The following PEX7 variants were observed in gnomAD, a reference collection of about 807,000 sequenced individuals.
PEX7 encodes the protein peroxisomal biogenesis factor 7, also known as PTS2 receptor.
Under a neutral mutation model 47.5 loss-of-function variants are expected in PEX7, and 34 were observed. The ratio of observed to expected loss-of-function variants is 0.72; its 90% CI spans 0.54 to 0.95. The LOEUF (loss-of-function observed/expected upper bound fraction) is 0.95. PEX7 is among the 40% of genes least tolerant of loss of function. The pLI, the probability that PEX7 is intolerant of heterozygous loss-of-function variation, is 0.00. For missense variants in PEX7, 394 were observed against 400.3 expected (o/e 0.98, Z 0.13); for synonymous variants, 141 against 148.8 (o/e 0.95, Z 0.38).
rs189762696 is a variant in PEX7 at position 136,861,310 on chromosome 6, T to G, written c.527-5317T>G. On this transcript the variant is annotated intron_variant, in intron 5 of 9. Coordinates refer to ENST00000318471, the MANE Select transcript of PEX7 (RefSeq NM_000288.4). The stretch of plus-strand genomic sequence containing the variant: ...GTTGCCCAGGCTGGTCTGGAACTCT[T>G]AAACTCAAACGACCTGCCTGCCTTG... 5.9e-5 allele frequency among the ~76,000 whole-genome samples: 9 copies of G among 152,232 alleles called. No individual in the cohort carries two copies. The East Asian group carries it at 1.7e-3, about 29-fold the overall frequency.
intron 3 of PEX7, among the ~76,000 whole-genome samples, chr6:136,827,288 AGATTGT>A (rs2115133608): frequency 6.6e-6 from 1 of 152,344 alleles, no homozygotes; most frequent in African/African-American, 2.4e-5. Flanking sequence ...AAGATTTCTA[AGATTGT>A]TACTGAAATA....
chr6:136,902,028 G>A (rs924039040), intron 9 of PEX7, among the ~76,000 whole-genome samples: 4 of 152,116 alleles, frequency 2.6e-5, no homozygotes, highest in Admixed American at 2.6e-4. Context: ...CAGGTGATCC[G>A]CCCACCTCAG....
intron 3 of PEX7, among the ~76,000 whole-genome samples, chr6:136,838,256 A>C (rs117723599): frequency 0.012 from 1,759 of 152,350 alleles, 16 homozygotes; most frequent in Non-Finnish European, 0.019. Flanking sequence ...GCTAAAAAAC[A>C]TGAACTGAAT....
chr6:136,911,754 G>C (rs1007048758), intron 9 of PEX7, among the ~76,000 whole-genome samples: 2 of 152,140 alleles, frequency 1.3e-5, no homozygotes, highest in South Asian at 2.1e-4. Context: ...ATGAACATTC[G>C]TGTCTACATT....
At chr6:136,832,893 C>G (rs1158762006) in intron 3 of PEX7, among the ~76,000 whole-genome samples, 1 of 152,234 alleles carries the variant, frequency 6.6e-6, no homozygotes, top group Non-Finnish European at 1.5e-5. Flanking sequence ...TCACTATTAG[C>G]ATTTTGTTCA....
intron 8 of PEX7, among the ~76,000 whole-genome samples, chr6:136,894,757 T>G (rs1359485819): frequency 6.6e-6 from 1 of 152,230 alleles, no homozygotes; most frequent in Non-Finnish European, 1.5e-5. Context: ...AGTTCTGTAA[T>G]ATTTTTAATC....
rs114188716 is a variant in PEX7, at chr6:136,893,475, A to G, written c.804-4667A>G. Among the ~76,000 whole-genome samples the G allele has an allele frequency of 2.1e-3, 325 of 152,240 alleles. 3 individuals carry two copies. The highest frequency in any genetic ancestry group is 7.5e-3 in the African/African-American group (312 of 41,556). ...GCATTGTCTTTTGGGGCACTTGTCA[A>G]TTGTCATTACGTTTGTGTTTTGGTG... is the stretch of plus-strand genomic sequence containing the variant. On this transcript the variant is annotated intron_variant, in intron 8 of 9. Coordinates refer to ENST00000318471, the MANE Select transcript of PEX7 (RefSeq NM_000288.4).
At chr6:136,859,860 TA>T (rs997073826) in intron 5 of PEX7, among the ~76,000 whole-genome samples, 2 of 151,864 alleles carry the variant, frequency 1.3e-5, no homozygotes, top group African/African-American at 4.8e-5. Context: ...CCATCTCTAC[TA>T]AAAACTCAAA....
intron 8 of PEX7, among the ~76,000 whole-genome samples, chr6:136,880,366 C>A (rs1296889862): frequency 4.6e-5 from 7 of 152,058 alleles, no homozygotes; most frequent in African/African-American, 1.7e-4. Flanking sequence ...GTAATCTAAT[C>A]TTTATTATGC....
rs369506244 is a variant in PEX7, at chr6:136,840,669, G to T, written c.340-4946G>T. ...TTAGAAGGATGTTATAATCTAAGTG[G>T]TAACTTATGGTTGATGGTTGTAACC... On this transcript the variant is annotated intron_variant, in intron 3 of 9. Transcript: ENST00000318471. Among the ~76,000 whole-genome samples the T allele has an allele frequency of 2.6e-4, 39 of 152,306 alleles. 1 individual carries two copies. The East Asian group carries it at 5.8e-3, about 23-fold the overall frequency.
intron 9 of PEX7, among the ~76,000 whole-genome samples, chr6:136,910,246 C>A (rs369013749): frequency 6.6e-6 from 1 of 152,248 alleles, no homozygotes; most frequent in African/African-American, 2.4e-5. Flanking sequence ...AGACATGGTC[C>A]ATGCCCTCAA....
rs574173681 is a variant in PEX7 at position 136,881,919 on chromosome 6, G to C, written c.803+9666G>C. ...GATCAAAGGTGTTGTAGCTATATTT[G>C]TAAGCACTTGGAAAAATTGAGATTT... On this transcript the variant is annotated intron_variant, in intron 8 of 9. Transcript: ENST00000318471. Among the ~76,000 whole-genome samples the C allele has an allele frequency of 2.6e-5, 4 of 152,274 alleles. No homozygotes were observed. In the South Asian group the frequency reaches 8.3e-4, roughly 32 times the overall value.
chr6:136,871,506 T>G (rs1775181169), intron 7 of PEX7, among the ~76,000 whole-genome samples: 1 of 152,212 alleles, frequency 6.6e-6, no homozygotes, highest in Non-Finnish European at 1.5e-5. Flanking sequence ...ATTTGTACTC[T>G]TATATACTTA....
At chr6:136,837,916 T>G (rs1774424796) in intron 3 of PEX7, among the ~76,000 whole-genome samples, 1 of 152,082 alleles carries the variant, frequency 6.6e-6, no homozygotes, top group South Asian at 2.1e-4. Flanking sequence ...CATTGAAGAT[T>G]ATTAGGACAT....
rs186705952 is a variant in PEX7, at chr6:136,913,798, A to G, written c.*272A>G. The G allele has an allele frequency of 1.5e-3, 573 of 386,718 alleles. 1 individual carries two copies. The highest frequency in any genetic ancestry group is 5.2e-3 in the Middle Eastern group (7 of 1,338). The allele number at this position is 386,718 out of a possible 1,614,324, so 24.0% of individuals were successfully genotyped here. ...TATTAAAATGTCTCTGGGTCATAAA[A>G]TGGATTAAAATATGGGAGATCAGTA... On this transcript the variant is annotated 3_prime_UTR_variant, in exon 10 of 10. Coordinates refer to ENST00000318471, the MANE Select transcript of PEX7 (RefSeq NM_000288.4).
chr6:136,862,859 G>T (rs1251508209), intron 5 of PEX7, among the ~76,000 whole-genome samples: 2 of 152,192 alleles, frequency 1.3e-5, no homozygotes, highest in Non-Finnish European at 2.9e-5. Flanking sequence ...TGAGGTGTAA[G>T]TCTTTATAGA....
intron 9 of PEX7, 147 bp downstream of exon 9, chr6:136,898,388 G>A (rs1775690377): frequency 1.5e-6 from 1 of 674,242 alleles, no homozygotes; most frequent in Middle Eastern, 2.4e-4. Flanking sequence ...GGAATAAGAG[G>A]TATCAAGAAA....
intron 8 of PEX7, among the ~76,000 whole-genome samples, chr6:136,885,018 A>G (rs2185114): frequency 0.013 from 1,981 of 152,300 alleles, 14 homozygotes; most frequent in South Asian, 0.032. Context: ...GCCAAGCCAC[A>G]TTTGTTGTGC....
chr6:136,901,411 G>T (rs1775751632), intron 9 of PEX7: 1 of 152,238 alleles, frequency 6.6e-6, no homozygotes, highest in Non-Finnish European at 1.5e-5. Flanking sequence ...GGTCTTTCCT[G>T]TGGCCACCCA....
Sources: gnomAD v4.1 joint callset for allele counts (sites outside exome capture counted in the v4.1 genomes callset) on GRCh38, gnomAD v4.1.1 for gene constraint, MANE v1.5 for transcripts, NCBI Gene and HGNC (gene_info 2026-07-23, HGNC 2026-07-21) for gene names.